SLC66A1: variants seen among roughly 807,000 people sequenced by gnomAD.
The protein encoded by SLC66A1 is lysosomal amino acid transporter 1 homolog.
A neutral mutation model predicts 33.0 loss-of-function variants in SLC66A1; 23 were observed. That is an observed-to-expected ratio of 0.70 (90% CI 0.50 to 0.99). The LOEUF (loss-of-function observed/expected upper bound fraction) is 0.99. Ranked by LOEUF, SLC66A1 falls within the 50% of genes least tolerant of loss-of-function variation. SLC66A1 has a pLI of 0.00. For missense variants in SLC66A1, 335 were observed against 383.6 expected, an observed-to-expected ratio of 0.87 and a Z score of 1.06; for synonymous variants, 164 against 175.5, an observed-to-expected ratio of 0.93 and a Z score of 0.52.
downstream of SLC66A1, among the ~76,000 whole-genome samples, chr1:19,333,661 T>C (rs968627082): frequency 3.3e-5 from 5 of 152,124 alleles, no homozygotes; most frequent in African/African-American, 9.7e-5. The surrounding 1 kb of genome is among the most constrained non-coding windows in gnomAD (Gnocchi z 4.2). Context: ...AGCTTTAAAC[T>C]GATCCACTGG....
downstream of SLC66A1, among the ~76,000 whole-genome samples, chr1:19,330,046 C>G (rs2093888266): frequency 6.6e-6 from 1 of 152,202 alleles, no homozygotes; most frequent in Admixed American, 6.5e-5. Context: ...TAGCTCACTG[C>G]AGCCTCGAAC....
Position 19,320,011 on chromosome 1 carries a change from C to T in SLC66A1, c.164+2170C>T, listed in dbSNP as rs1428705668. On this transcript the variant is annotated intron_variant, in intron 2 of 7. Transcript: ENST00000375153. ...TGGCGTGCTCAAGAGATTCCCCTGC[C>T]TCAGCCTCCCGAGTAGCTGGGAATA... Among the ~76,000 whole-genome samples the T allele has an allele frequency of 2.6e-5, 4 of 151,434 alleles. No individual in the cohort carries two copies. The East Asian group carries it at 6.0e-4, about 23-fold the overall frequency.
chr1:19,317,318 C>T (rs1406262653), intron 1 of SLC66A1, among the ~76,000 whole-genome samples: 2 of 152,166 alleles, frequency 1.3e-5, no homozygotes, highest in Admixed American at 1.3e-4. Flanking sequence ...AGTCTTTGCC[C>T]AAAGTCTAGC....
At position 19,328,979 on chromosome 1, in the gene SLC66A1, G is replaced by A. The variant is rs543480986; in HGVS notation, c.*336G>A. On this transcript the variant is annotated 3_prime_UTR_variant, in exon 8 of 8. Coordinates refer to ENST00000375153, the MANE Select transcript of SLC66A1 (RefSeq NM_001040125.2). The surrounding 1 kb of genome is among the most constrained non-coding windows in gnomAD (Gnocchi z 4.7). ...CTCCAGACAACTGAATAAACAGGCC[G>A]GGTACAGTGGCTCGCACCTGTAATC... 1.4e-4 allele frequency: 54 copies of A among 386,688 alleles called. 1 individual carries two copies. In the South Asian group the frequency reaches 1.4e-3, roughly 10 times the overall value. 24.0% of individuals were successfully genotyped at this position (386,688 alleles called of 1,614,324 possible).
rs192688620 is a variant in SLC66A1, at chr1:19,327,195, G to A, written c.619-32G>A. 21 of 1,573,352 alleles carry A rather than the reference G, an allele frequency of 1.3e-5. No individual in the cohort carries two copies. In the Admixed American group the frequency reaches 1.3e-4, roughly 10 times the overall value. ...ATCCAGAGTGACAAGAGGCCTGTTC[G>A]AGGTCTCTGACCTGACCTCCTCCTG... On this transcript the variant is annotated intron_variant, in intron 6 of 7. Transcript: ENST00000375153.
downstream of SLC66A1, among the ~76,000 whole-genome samples, chr1:19,333,306 C>A (rs34964271): frequency 3.6e-3 from 541 of 152,228 alleles, 3 homozygotes; most frequent in Non-Finnish European, 6.3e-3. This position sits in a 1 kb window ranked among gnomAD's most constrained non-coding sequence, Gnocchi z 4.2. Context: ...CTCCTGGGCT[C>A]AAGTGATCCT....
chr1:19,330,671 C>T (rs7545021), downstream of SLC66A1, among the ~76,000 whole-genome samples: 3,424 of 152,182 alleles, frequency 0.022, 138 homozygotes, highest in African/African-American at 0.078. Context: ...GTGGGTGTCT[C>T]GGGTGCTTCC....
chr1:19,330,640 G>A (rs184850585), downstream of SLC66A1, among the ~76,000 whole-genome samples: 13 of 152,330 alleles, frequency 8.5e-5, no homozygotes, highest in Admixed American at 3.3e-4. Context: ...AAAAGGGAGG[G>A]GCAGGTACAG....
intron 2 of SLC66A1, among the ~76,000 whole-genome samples, chr1:19,320,161 A>G (rs986059947): frequency 5.3e-5 from 8 of 151,708 alleles, no homozygotes; most frequent in Non-Finnish European, 8.8e-5. Context: ...TCAGCATTCC[A>G]AAGTGCTGGG....
intron 6 of SLC66A1, 48 bp from the exon 7 acceptor site, chr1:19,327,179 G>A (rs758462460): frequency 1.3e-6 from 2 of 1,520,176 alleles, no homozygotes; most frequent in Non-Finnish European, 1.8e-6. Flanking sequence ...AATCCAGAGT[G>A]ACAAGAGGCC....
At chr1:19,314,894 G>GT (rs3215559) in intron 1 of SLC66A1, among the ~76,000 whole-genome samples, 1,988 of 149,980 alleles carry the variant, frequency 0.013, 27 homozygotes, top group African/African-American at 0.036. Flanking sequence ...GGACTATATG[G>GT]TTTTTTTTTT....
Position 19,325,523 on chromosome 1 carries a change from C to A in SLC66A1, c.323C>A (p.Ala108Glu). 1 of 1,611,188 alleles carries A rather than the reference C, an allele frequency of 6.2e-7. No homozygotes were observed. Among genetic ancestry groups the A allele is most frequent in the South Asian group, 1.1e-5 (1 of 91,020 alleles). ...TACACGGCTGTGTATTATGTCTTGG[C>A]AGACCTGGTGATGCTGACGCTGTAC... ...QTYTAVYYVL[A>E]DLVMLTLYFY... The change falls in exon 4 of 8, where the codon GCA becomes GAA. Residue 108 changes from alanine (A) to glutamate (E), a missense_variant. By Grantham distance (107) the Ala-to-Glu change is moderately radical (BLOSUM62 -1). Coordinates refer to ENST00000375153, the MANE Select transcript of SLC66A1 (RefSeq NM_001040125.2).
In SLC66A1 at chr1:19,321,531, C is replaced by T. The variant is rs554989434; in HGVS notation, c.165-3102C>T. Among the ~76,000 whole-genome samples the T allele has an allele frequency of 1.0e-3, 155 of 148,874 alleles. 11 individuals carry two copies. Among genetic ancestry groups the T allele is most frequent in the African/African-American group, 3.8e-3 (147 of 38,802 alleles). ...AACTCTTACATTTAGGTGTTTGATCCATTTTGTAAATGATGTGAAGTAGGA... is the reference window on the plus strand; with the variant it reads ...AACTCTTACATTTAGGTGTTTGATCTATTTTGTAAATGATGTGAAGTAGGA... On this transcript the variant is annotated intron_variant, in intron 2 of 7. Transcript: ENST00000375153.
At chr1:19,314,343 C>A (rs1257002968) in intron 1 of SLC66A1, among the ~76,000 whole-genome samples, 2 of 152,162 alleles carry the variant, frequency 1.3e-5, no homozygotes, top group African/African-American at 4.8e-5. Flanking sequence ...TGGGGTGCAT[C>A]CATTTCATTT....
At chr1:19,325,623 A>G (rs1471566060) in intron 4 of SLC66A1, 41 bp downstream of exon 4, 5 of 1,032,088 alleles carry the variant, frequency 4.8e-6, no homozygotes, top group Admixed American at 4.4e-5. Context: ...CTCTACCAGC[A>G]GCAGGGGGCA....
At chr1:19,329,936 G>A (rs1410556653), downstream of SLC66A1, among the ~76,000 whole-genome samples, 1 of 152,004 alleles carries the variant, frequency 6.6e-6, no homozygotes, top group Non-Finnish European at 1.5e-5. Context: ...GGGCAGAGCT[G>A]AGCTCCGAGT....
rs755792303 is a variant in SLC66A1, at chr1:19,328,793, A to T, written c.*150A>T. On this transcript the variant is annotated 3_prime_UTR_variant, in exon 8 of 8. Transcript: ENST00000375153. The surrounding 1 kb of genome is among the most constrained non-coding windows in gnomAD (Gnocchi z 4.7). ...GACCGAACCGTCCCCCCAGGAACAC[A>T]CCTTCAGGTAGACCCCGAAGCCTCA... The T allele has an allele frequency of 2.4e-6, 2 of 817,606 alleles. No homozygotes were observed. Among genetic ancestry groups the T allele is most frequent in the Admixed American group, 4.9e-5 (2 of 41,230 alleles). The allele number at this position is 817,606 out of a possible 1,614,324, so 50.6% of individuals were successfully genotyped here.
Position 19,317,670 on chromosome 1 carries a change from C to A in SLC66A1, c.-8C>A, listed in dbSNP as rs777804151. On this transcript the variant is annotated 5_prime_UTR_variant, in exon 2 of 8. Coordinates refer to ENST00000375153, the MANE Select transcript of SLC66A1 (RefSeq NM_001040125.2). The stretch of plus-strand genomic sequence containing the variant: ...CCCTGCCTGGCCGGGGGCCCCTCCT[C>A]CACAGCCATGGTCTGGAAGAAACTG... The A allele has an allele frequency of 6.2e-7, 1 of 1,613,706 alleles. No homozygotes were observed. Among genetic ancestry groups the A allele is most frequent in the South Asian group, 1.1e-5 (1 of 91,058 alleles).
At chr1:19,317,923 G>T (rs33997183) in intron 2 of SLC66A1, 82 bp downstream of exon 2, 2 of 1,546,394 alleles carry the variant, frequency 1.3e-6, no homozygotes, top group African/African-American at 2.7e-5. Flanking sequence ...GCGAGGGGTT[G>T]TCTGGTGGGC....
Sources: allele counts gnomAD v4.1 joint callset (sites outside exome capture counted in the v4.1 genomes callset), GRCh38; gene constraint gnomAD v4.1.1; non-coding constraint Gnocchi (gnomAD v3.1); transcripts MANE v1.5; gene names NCBI Gene and HGNC (gene_info 2026-07-23, HGNC 2026-07-21).